SPARC: variants seen among roughly 807,000 people sequenced by gnomAD.
SPARC encodes secreted protein acidic and cysteine rich.
Under a neutral mutation model 37.7 loss-of-function variants are expected in SPARC, and 23 were observed. The observed-to-expected ratio is 0.61, with a 90% CI of 0.44 to 0.87. The LOEUF is 0.87. SPARC is among the 40% of genes least tolerant of loss of function. The pLI is 0.00. For missense variants in SPARC, 312 were observed against 389.0 expected (o/e 0.80, Z 1.66); for synonymous variants, 155 against 150.8 (o/e 1.03, Z -0.20).
At position 151,669,772 on chromosome 5, in the gene SPARC, C is replaced by A. The variant is rs780811976; in HGVS notation, c.343G>T (p.Asp115Tyr). The change falls in exon 6 of 10, where the codon GAC becomes TAC. Residue 115 changes from aspartate to tyrosine, a missense_variant. Physicochemically the swap from Asp to Tyr is radical, Grantham distance 160. Transcript: ENST00000231061. Reference sequence around the variant, plus strand: ...CAGGAAGAGTCGAAGGTCTTGTTGTCATTGCTGCACACCTGTTGGCAAAGC... The same window carrying A: ...CAGGAAGAGTCGAAGGTCTTGTTGTAATTGCTGCACACCTGTTGGCAAAGC... ...IGEFEKVCSNDNKTFDSSCHF... is the reference protein window; with the variant it reads ...IGEFEKVCSNYNKTFDSSCHF... The A allele has an allele frequency of 9.3e-6, 15 of 1,614,068 alleles. No individual in the cohort carries two copies. Among genetic ancestry groups the A allele is most frequent in the Admixed American group, 1.7e-5 (1 of 60,002 alleles).
rs1045972585 is a variant in SPARC, at chr5:151,671,639, G to C, written c.264C>G (p.Asn88Lys). Reference protein sequence around the residue: ...KHGKVCELDENNTPMCVCQDP... With the variant: ...KHGKVCELDEKNTPMCVCQDP... ...CCTGGCACACGCACATGGGGGTGTT[G>C]TTCTCATCCAGCTCGCACACCTTGC... Residue 88 changes from asparagine (N) to lysine (K), a missense_variant, in exon 5 of 10, where the codon AAC becomes AAG. Asn to Lys is a moderately conservative substitution (Grantham distance 94, BLOSUM62 0). Transcript: ENST00000231061. 3 of 1,611,564 alleles carry C rather than the reference G, an allele frequency of 1.9e-6. No individual in the cohort carries two copies. The Admixed American group carries it at 5.0e-5, about 27-fold the overall frequency.
intron 6 of SPARC, among the ~76,000 whole-genome samples, chr5:151,667,915 G>A (rs1760665499): frequency 2.0e-5 from 3 of 152,206 alleles, no homozygotes; most frequent in African/African-American, 7.2e-5. Context: ...CTGAGCCCAT[G>A]TTGTTCACGT....
chr5:151,664,617 G>A (rs1055621990), intron 8 of SPARC, among the ~76,000 whole-genome samples: 2 of 152,184 alleles, frequency 1.3e-5, no homozygotes, highest in Admixed American at 6.5e-5. Context: ...TCTGCTATGG[G>A]TAGATCAAAA....
rs6892840 is a variant in SPARC at position 151,666,777 on chromosome 5, C to A, written c.586-268G>T. Among the ~76,000 whole-genome samples the A allele has an allele frequency of 1.7e-3, 260 of 152,324 alleles. 4 individuals are homozygous for A. In the East Asian group the frequency reaches 0.032, roughly 19 times the overall value. The stretch of plus-strand genomic sequence containing the variant: ...CACACACTCACACCTGTAATCCCAG[C>A]GCTTTGGGAGGCTGAGGCAGGCAGA... On this transcript the variant is annotated intron_variant, in intron 7 of 9. Transcript: ENST00000231061.
chr5:151,680,255 C>T (rs1324362134), intron 1 of SPARC, among the ~76,000 whole-genome samples: 8 of 96,178 alleles, frequency 8.3e-5, no homozygotes, highest in Non-Finnish European at 1.1e-4. Flanking sequence ...GAGACACGGT[C>T]TCCCTCTGTC....
At position 151,663,156 on chromosome 5, in the gene SPARC, G is replaced by A. The variant is rs895850286; in HGVS notation, c.*415C>T. The A allele has an allele frequency of 2.0e-4, 34 of 168,932 alleles. No individual in the cohort carries two copies. Among genetic ancestry groups the A allele is most frequent in the Middle Eastern group, 2.9e-3 (1 of 346 alleles). 10.5% of individuals were successfully genotyped at this position (168,932 alleles called of 1,614,324 possible). A position where few individuals can be genotyped will look rare whatever the true frequency, so the allele number is the denominator to read the frequency against. ...GCCCACCTCCAGGCCACCTGGGGAA[G>A]CCCACAGGCAGCCAAGACCCTGAAA... On this transcript the variant is annotated 3_prime_UTR_variant, in exon 10 of 10. Transcript: ENST00000231061.
intron 1 of SPARC, among the ~76,000 whole-genome samples, chr5:151,683,813 G>A (rs1026238566): frequency 2.0e-5 from 3 of 152,208 alleles, no homozygotes; most frequent in Non-Finnish European, 2.9e-5. Flanking sequence ...CCAGGAAGAG[G>A]TGTGTGAGTG....
At chr5:151,663,904 T>C (rs1760566943) in intron 9 of SPARC, among the ~76,000 whole-genome samples, 183 bp downstream of exon 9, 1 of 151,910 alleles carries the variant, frequency 6.6e-6, no homozygotes, top group Non-Finnish European at 1.5e-5. Context: ...GACAGTTGGA[T>C]GGACAGAGAA....
chr5:151,685,357 TCTTAAAG>T (rs1761108412), intron 1 of SPARC: 1 of 152,180 alleles, frequency 6.6e-6, no homozygotes, highest in African/African-American at 2.4e-5. Context: ...TTTGAGAATA[TCTTAAAG>T]CTGAAAGCTG....
chr5:151,674,072 C>A (rs568899034), intron 3 of SPARC, among the ~76,000 whole-genome samples: 1 of 151,344 alleles, frequency 6.6e-6, no homozygotes, highest in Non-Finnish European at 1.5e-5. Context: ...AGTACAGTGG[C>A]GAGATCTTGG....
chr5:151,683,729 T>C (rs1047371744), intron 1 of SPARC, among the ~76,000 whole-genome samples: 1 of 152,244 alleles, frequency 6.6e-6, no homozygotes, highest in African/African-American at 2.4e-5. Flanking sequence ...TGTTTCAGCC[T>C]GTAATAGGCG....
chr5:151,678,300 G>A (rs1044065776), intron 1 of SPARC, among the ~76,000 whole-genome samples: 3 of 152,164 alleles, frequency 2.0e-5, no homozygotes, highest in African/African-American at 2.4e-5. Context: ...CAGAGTAACC[G>A]CGCTCCCCTC....
At chr5:151,682,406 A>ACATCAAAG (rs1410592987) in intron 1 of SPARC, among the ~76,000 whole-genome samples, 2 of 152,236 alleles carry the variant, frequency 1.3e-5, no homozygotes, top group African/African-American at 4.8e-5. Context: ...ATGAGAAATA[A>ACATCAAAG]CATCAAAGTG....
intron 7 of SPARC, among the ~76,000 whole-genome samples, chr5:151,666,871 C>G (rs1760635559): frequency 6.6e-6 from 1 of 152,138 alleles, no homozygotes; most frequent in African/African-American, 2.4e-5. Flanking sequence ...ACTAAAAATA[C>G]AAAAATTAGC....
At chr5:151,685,239 ACTCT>A (rs927332996) in intron 1 of SPARC, 4 of 151,466 alleles carry the variant, frequency 2.6e-5, no homozygotes, top group Non-Finnish European at 5.9e-5. Flanking sequence ...CTGAGAGTTA[ACTCT>A]CTCTTTCCTC....
intron 1 of SPARC, among the ~76,000 whole-genome samples, chr5:151,678,155 AC>A (rs1359678376): frequency 1.3e-5 from 2 of 152,246 alleles, no homozygotes; most frequent in Non-Finnish European, 2.9e-5. Flanking sequence ...ACAAAAAGTT[AC>A]CCTGTCTGAG....
chr5:151,663,990 G>T, intron 9 of SPARC, 97 bp downstream of exon 9: 1 of 1,444,562 alleles, frequency 6.9e-7, no homozygotes, highest in Non-Finnish European at 9.6e-7. Context: ...ACAGACAACA[G>T]ACAGACCAAG....
chr5:151,671,556 T>G lies in SPARC; in HGVS notation c.330+17A>C, dbSNP rs755652481. 6.5e-7 allele frequency: 1 copy of G among 1,548,692 alleles called. No homozygotes were observed. The highest frequency in any genetic ancestry group is 1.9e-5 in the Admixed American group (1 of 51,650). ...GTGCCCAATCCCTTCCCCCTGCCCC[T>G]GTCTCTCAGCCCTCACCTTCTCAAA... On this transcript the variant is annotated intron_variant, in intron 5 of 9. Coordinates refer to ENST00000231061, the MANE Select transcript of SPARC (RefSeq NM_003118.4).
At chr5:151,667,330 A>G in intron 7 of SPARC, 137 bp downstream of exon 7, 1 of 910,520 alleles carries the variant, frequency 1.1e-6, no homozygotes, top group Non-Finnish European at 1.8e-6. Flanking sequence ...AGGCAGGAAG[A>G]GAAGTACGTG....
Sources: allele counts gnomAD v4.1 joint callset (sites outside exome capture counted in the v4.1 genomes callset), GRCh38; gene constraint gnomAD v4.1.1; transcripts MANE v1.5; gene names NCBI Gene and HGNC (gene_info 2026-07-23, HGNC 2026-07-21).